The following LVRN variants were observed in gnomAD, a reference collection of about 807,000 sequenced individuals.
The protein encoded by LVRN is aminopeptidase Q.
Under a neutral mutation model 111.4 loss-of-function variants are expected in LVRN, and 99 were observed. That is an observed-to-expected ratio of 0.89 (90% confidence interval 0.76 to 1.05). The LOEUF is 1.05. LVRN is among the 50% of genes least tolerant of loss of function. The probability of loss-of-function intolerance (pLI) is 0.00; values close to 1 mark genes in which losing one functional copy is unlikely to be tolerated. For missense variants in LVRN, 1,414 were observed against 1,206.8 expected (o/e 1.17, Z -2.54); for synonymous variants, 488 against 449.5 (o/e 1.09, Z -1.08).
At chr5:115,990,039 A>AGC (rs1747949975) in intron 4 of LVRN, among the ~76,000 whole-genome samples, 1 of 152,158 alleles carries the variant, frequency 6.6e-6, no homozygotes, top group Admixed American at 6.5e-5. Flanking sequence ...TTGTTCTCTT[A>AGC]GCTAATTTTC....
intron 6 of LVRN, among the ~76,000 whole-genome samples, chr5:115,995,103 G>C (rs772013120): frequency 6.6e-6 from 1 of 152,136 alleles, no homozygotes. Context: ...ATCTCTACTT[G>C]CTGGATCTTC....
chr5:115,986,324 T>C (rs1008167693), intron 3 of LVRN, among the ~76,000 whole-genome samples: 73 of 152,234 alleles, frequency 4.8e-4, no homozygotes, highest in African/African-American at 1.3e-3. Flanking sequence ...TGGGCTCCCA[T>C]AGGTAATGAC....
chr5:115,964,776 G>A (rs953386761), intron 1 of LVRN, among the ~76,000 whole-genome samples: 1 of 152,098 alleles, frequency 6.6e-6, no homozygotes, highest in Non-Finnish European at 1.5e-5. Context: ...CATATTTTCA[G>A]AACATTAAAA....
intron 1 of LVRN, among the ~76,000 whole-genome samples, chr5:115,981,346 C>T (rs776863841): frequency 3.3e-5 from 5 of 152,088 alleles, no homozygotes; most frequent in Admixed American, 3.3e-4. Flanking sequence ...GATACATAAC[C>T]TCTCATTTCT....
At chr5:115,991,282 T>G (rs1351678802) in intron 4 of LVRN, among the ~76,000 whole-genome samples, 1 of 152,206 alleles carries the variant, frequency 6.6e-6, no homozygotes, top group African/African-American at 2.4e-5. Context: ...GAATGTCATA[T>G]AGTTGGAATT....
At chr5:116,005,583 T>C (rs1748344828) in intron 12 of LVRN, among the ~76,000 whole-genome samples, 1 of 152,246 alleles carries the variant, frequency 6.6e-6, no homozygotes, top group Admixed American at 6.5e-5. Context: ...GTAATACAAC[T>C]TGATGTATAC....
At chr5:115,978,081 A>G (rs932551026) in intron 1 of LVRN, among the ~76,000 whole-genome samples, 1 of 152,242 alleles carries the variant, frequency 6.6e-6, no homozygotes, top group Non-Finnish European at 1.5e-5. Flanking sequence ...AACAGAGAAT[A>G]GAAACAGACT....
chr5:116,022,278 T>C (rs1156476215), intron 18 of LVRN, 113 bp from the exon 19 acceptor site: 1 of 710,602 alleles, frequency 1.4e-6, no homozygotes. Flanking sequence ...TACTTAGATT[T>C]GTGACATAGG....
intron 19 of LVRN, among the ~76,000 whole-genome samples, chr5:116,023,011 A>T (rs1414856223): frequency 6.6e-6 from 1 of 152,170 alleles, no homozygotes; most frequent in Non-Finnish European, 1.5e-5. Context: ...CATTTTCTGG[A>T]TTTCAGAAAC....
intron 13 of LVRN, among the ~76,000 whole-genome samples, chr5:116,009,318 C>T (rs575788852): frequency 1.3e-5 from 2 of 152,284 alleles, no homozygotes; most frequent in South Asian, 4.1e-4. Context: ...CACTTGGTTA[C>T]ACAAGCACTA....
At chr5:115,984,787 G>A (rs1236772125) in intron 3 of LVRN, 78 bp downstream of exon 3, 19 of 1,553,726 alleles carry the variant, frequency 1.2e-5, no homozygotes, top group Non-Finnish European at 1.6e-5. Flanking sequence ...GCATCCAGTG[G>A]TTATGGCTGC....
chr5:115,975,236 C>G, intron 1 of LVRN: 1 of 468,312 alleles, frequency 2.1e-6, no homozygotes, highest in Non-Finnish European at 4.2e-6. Flanking sequence ...GGTTCACACC[C>G]CATGTCCAGC....
At chr5:115,987,785 T>G in intron 3 of LVRN, 28 bp from the exon 4 acceptor site, 1 of 1,598,908 alleles carries the variant, frequency 6.3e-7, no homozygotes. Flanking sequence ...CTGGTTTTCC[T>G]AATCACTGCT....
intron 19 of LVRN, 136 bp from the exon 20 acceptor site, chr5:116,025,842 T>G: frequency 9.2e-7 from 1 of 1,092,568 alleles, no homozygotes; most frequent in East Asian, 2.5e-5. Context: ...ACACACAACC[T>G]AGGAGTATAC....
In LVRN at chr5:116,015,721, C is replaced by G; in HGVS notation, c.2712C>G (p.Val904=). ...CTTCATCTGAAGTTGGCCGGTATGT[C>G]GCAAAAGACTTCTTAGTCAACAACT... ...VVASSEVGRY[V]AKDFLVNNWQ... Residue 904 remains valine (V), a synonymous_variant, in exon 18 of 20, where the codon GTC becomes GTG. Coordinates refer to ENST00000357872, the MANE Select transcript of LVRN (RefSeq NM_173800.5). 1.9e-6 allele frequency: 3 copies of G among 1,613,244 alleles called. No homozygotes were observed. The South Asian group carries it at 3.3e-5, about 18-fold the overall frequency.
chr5:115,963,273 G>A lies in LVRN; in HGVS notation c.656G>A (p.Gly219Glu), dbSNP rs1361112168. The A allele has an allele frequency of 6.2e-7, 1 of 1,612,506 alleles. No homozygotes were observed. The highest frequency in any genetic ancestry group is 8.5e-7 in the Non-Finnish European group (1 of 1,179,866). The change falls in exon 1 of 20, where the codon GGA becomes GAA. Residue 219 changes from glycine (G) to glutamate (E), a missense_variant. By Grantham distance (98) the Gly-to-Glu change is moderately conservative (BLOSUM62 -2). Transcript: ENST00000357872. Reference protein sequence around the residue: ...SGLVKEDLREGLFLNVYTDQG... With the variant: ...SGLVKEDLREELFLNVYTDQG... ...CTGGTGAAGGAAGACCTCAGGGAGGGACTCTTCCTCAACGTCTACACCGAC... is the reference window on the plus strand; with the variant it reads ...CTGGTGAAGGAAGACCTCAGGGAGGAACTCTTCCTCAACGTCTACACCGAC...
At chr5:116,008,550 G>A (rs1466534655) in intron 13 of LVRN, among the ~76,000 whole-genome samples, 2 of 151,506 alleles carry the variant, frequency 1.3e-5, no homozygotes, top group African/African-American at 2.4e-5. Context: ...TAGATGCAAA[G>A]GATAAGTTCT....
chr5:116,002,867 A>G lies in LVRN; in HGVS notation c.1853A>G (p.Lys618Arg), dbSNP rs372960224. 2.6e-5 allele frequency: 42 copies of G among 1,611,068 alleles called. No individual in the cohort carries two copies. Among genetic ancestry groups the G allele is most frequent in the East Asian group, 1.3e-4 (6 of 44,746 alleles). The change falls in exon 11 of 20, where the codon AAA (lysine) becomes AGA (arginine). Residue 618 changes from lysine to arginine, a missense_variant. Physicochemically the swap from Lys to Arg is conservative, Grantham distance 26. Coordinates refer to ENST00000357872, the MANE Select transcript of LVRN (RefSeq NM_173800.5). Reference protein sequence around the residue: ...DTWIVPILWIKNGTTQPLVWL... With the variant: ...DTWIVPILWIRNGTTQPLVWL... ...TGGATTGTCCCTATTCTTTGGATAA[A>G]AAATGGAACTACACAACCTTTAGTC...
In LVRN at chr5:115,993,722, T is replaced by C; in HGVS notation, c.1261-19T>C. The C allele has an allele frequency of 6.6e-7, 1 of 1,508,174 alleles. No individual in the cohort carries two copies. Among genetic ancestry groups the C allele is most frequent in the Non-Finnish European group, 9.1e-7 (1 of 1,096,908 alleles). 93.4% of individuals were successfully genotyped at this position (1,508,174 alleles called of 1,614,324 possible). On this transcript the variant is annotated intron_variant, in intron 5 of 19. Coordinates refer to ENST00000357872, the MANE Select transcript of LVRN (RefSeq NM_173800.5). Reference sequence around the variant, plus strand: ...AATTAAATTTAAGAAAGCTCTTTTTTTCTTCTCATTTCCAAAAGTGGTTTG... The same window carrying C: ...AATTAAATTTAAGAAAGCTCTTTTTCTCTTCTCATTTCCAAAAGTGGTTTG...
Sources: allele counts gnomAD v4.1 joint callset (sites outside exome capture counted in the v4.1 genomes callset), GRCh38; gene constraint gnomAD v4.1.1; transcripts MANE v1.5; gene names NCBI Gene and HGNC (gene_info 2026-07-23, HGNC 2026-07-21).